Variants in TAOK1 observed in about 807,000 individuals in gnomAD.
The protein encoded by TAOK1 is serine/threonine-protein kinase TAO1.
Under a neutral mutation model 138.3 loss-of-function variants are expected in TAOK1, and 21 were observed. The ratio of observed to expected loss-of-function variants is 0.15; its 90% CI spans 0.11 to 0.22. The LOEUF (loss-of-function observed/expected upper bound fraction) is 0.22, where lower values mean the gene tolerates loss of function less well. TAOK1 is among the 10% of genes least tolerant of loss of function. The pLI is 1.00. For missense variants in TAOK1, 651 were observed against 1,227.7 expected, an observed-to-expected ratio of 0.53 and a Z score of 7.02; for synonymous variants, 361 against 398.4, an observed-to-expected ratio of 0.91 and a Z score of 1.12.
chr17:29,475,868 A>G (rs2030932239), intron 4 of TAOK1, 97 bp downstream of exon 4: 2 of 846,890 alleles, frequency 2.4e-6, no homozygotes, highest in Non-Finnish European at 3.9e-6. Flanking sequence ...AATGCATGCA[A>G]AAACACCTGA....
At chr17:29,498,261 CAGAAGAGAGAGATATATATTA>C (rs2031450790) in intron 11 of TAOK1, 36 bp from the exon 12 acceptor site, 1 of 1,581,796 alleles carries the variant, frequency 6.3e-7, no homozygotes, top group African/African-American at 1.3e-5. Context: ...GTCAAGAATT[CAGAAGAGAGAGATATATATTA>C]ATATTTGAAC....
chr17:29,495,408 G>T, intron 10 of TAOK1, 152 bp from the exon 11 acceptor site: 1 of 543,020 alleles, frequency 1.8e-6, no homozygotes, highest in Non-Finnish European at 3.0e-6. Context: ...GTATGTAAAT[G>T]ATAATTTTAT....
intron 3 of TAOK1, among the ~76,000 whole-genome samples, chr17:29,468,507 AAAGT>A (rs1598493980): frequency 6.6e-6 from 1 of 152,014 alleles, no homozygotes; most frequent in African/African-American, 2.4e-5. Context: ...CTAAAAAATT[AAAGT>A]AAAATAAGAT....
At chr17:29,450,624 G>A (rs1360080625) in intron 1 of TAOK1, among the ~76,000 whole-genome samples, 1 of 152,056 alleles carries the variant, frequency 6.6e-6, no homozygotes, top group Non-Finnish European at 1.5e-5. Flanking sequence ...TGATCCTTCC[G>A]CCTTAGCCGC....
At chr17:29,430,755 A>G (rs1017687715) in intron 1 of TAOK1, among the ~76,000 whole-genome samples, 1 of 152,114 alleles carries the variant, frequency 6.6e-6, no homozygotes, top group Non-Finnish European at 1.5e-5. Flanking sequence ...TCTTTATGGG[A>G]GGCAGAAGGA....
intron 17 of TAOK1, among the ~76,000 whole-genome samples, chr17:29,524,250 A>C (rs934428744): frequency 1.1e-4 from 17 of 152,204 alleles, no homozygotes; most frequent in African/African-American, 3.9e-4. Context: ...TAGCTACAGA[A>C]TAGACAATCT....
chr17:29,449,947 T>A (rs762662595), intron 1 of TAOK1, among the ~76,000 whole-genome samples: 1 of 152,248 alleles, frequency 6.6e-6, no homozygotes, highest in Non-Finnish European at 1.5e-5. Context: ...TAGTGCTTAT[T>A]ACTCCAGAGT....
intron 2 of TAOK1, among the ~76,000 whole-genome samples, chr17:29,459,442 C>G (rs9896579): frequency 6.6e-6 from 1 of 151,686 alleles, no homozygotes; most frequent in Non-Finnish European, 1.5e-5. Flanking sequence ...CCCCCACGCC[C>G]GGCTGTTTGT....
At chr17:29,433,771 C>G (rs566699793) in intron 1 of TAOK1, among the ~76,000 whole-genome samples, 48 of 152,196 alleles carry the variant, frequency 3.2e-4, no homozygotes, top group African/African-American at 1.1e-3. Context: ...AGTGGGCAGG[C>G]TTGTTGTAGT....
intron 1 of TAOK1, among the ~76,000 whole-genome samples, chr17:29,412,531 G>A (rs1205346642): frequency 6.6e-6 from 1 of 151,962 alleles, no homozygotes; most frequent in Non-Finnish European, 1.5e-5. Flanking sequence ...TCATTTATCA[G>A]TGTCCCAGTT....
chr17:29,534,190 T>C lies in TAOK1; in HGVS notation c.2434T>C (p.Leu812=). The C allele has an allele frequency of 1.2e-6, 2 of 1,613,780 alleles. No individual in the cohort carries two copies. Among genetic ancestry groups the C allele is most frequent in the East Asian group, 2.2e-5 (1 of 44,846 alleles). Residue 812 remains leucine, a synonymous_variant, in exon 19 of 20, where the codon TTG becomes CTG. Coordinates refer to ENST00000261716, the MANE Select transcript of TAOK1 (RefSeq NM_020791.4). ...GCAGCTGCAGCAGGAACTGGAGCTGTTGAATGCGTATCAGAGCAAAATCAA... is the reference window on the plus strand; with the variant it reads ...GCAGCTGCAGCAGGAACTGGAGCTGCTGAATGCGTATCAGAGCAAAATCAA... The part of the protein sequence containing the change: ...KMQLQQELEL[L]NAYQSKIKMQ...
intron 13 of TAOK1, among the ~76,000 whole-genome samples, chr17:29,504,845 C>T (rs1472385544): frequency 1.3e-5 from 2 of 152,044 alleles, no homozygotes; most frequent in Non-Finnish European, 2.9e-5. Context: ...TCAGGTTATT[C>T]CTACTATTCT....
At position 29,507,922 on chromosome 17, in the gene TAOK1, G is replaced by A. The variant is rs759370062; in HGVS notation, c.1365G>A (p.Glu455=). 2.5e-6 allele frequency: 4 copies of A among 1,613,970 alleles called. No homozygotes were observed. Among genetic ancestry groups the A allele is most frequent in the Non-Finnish European group, 3.4e-6 (4 of 1,179,980 alleles). The change falls in exon 14 of 20, where the codon GAG becomes GAA. Residue 455 remains glutamate (E), a synonymous_variant. Transcript: ENST00000261716. ...TTACGAGGCAAATGCAAGAACATGA[G>A]CAGGACTCTGAGCTTAGAGAACAAA... ...SLVTRQMQEH[E]QDSELREQMS... is the part of the protein sequence containing the mutation.
At position 29,550,417 on chromosome 17, in the gene TAOK1, T is replaced by C. The variant is rs1384069472; in HGVS notation, c.*7395T>C. 1 of 152,208 alleles carries C rather than the reference T, an allele frequency of 6.6e-6. No homozygotes were observed. Among genetic ancestry groups the C allele is most frequent in the African/African-American group, 2.4e-5 (1 of 41,464 alleles). 9.4% of individuals were successfully genotyped at this position (152,208 alleles called of 1,614,324 possible). Reference sequence around the variant, plus strand: ...GTCTGCTAAAGTTTTTTAGCCCACTTAAAACTTAAGACAACCATTTAAAAT... The same window carrying C: ...GTCTGCTAAAGTTTTTTAGCCCACTCAAAACTTAAGACAACCATTTAAAAT... On this transcript the variant is annotated 3_prime_UTR_variant, in exon 20 of 20. Coordinates refer to ENST00000261716, the MANE Select transcript of TAOK1 (RefSeq NM_020791.4).
chr17:29,545,607 A>G lies in TAOK1; in HGVS notation c.*2585A>G, dbSNP rs566886056. The G allele has an allele frequency of 1.3e-5, 2 of 152,312 alleles. No individual in the cohort carries two copies. The highest frequency in any genetic ancestry group is 3.9e-4 in the East Asian group (2 of 5,194). The allele number at this position is 152,312 out of a possible 1,614,324, so 9.4% of individuals were successfully genotyped here. On this transcript the variant is annotated 3_prime_UTR_variant, in exon 20 of 20. Coordinates refer to ENST00000261716, the MANE Select transcript of TAOK1 (RefSeq NM_020791.4). ...TATCATTAAGTTAACTTTAAAGTATATACAGTTTGCAAAAAATGATTCAAA... is the reference window on the plus strand; with the variant it reads ...TATCATTAAGTTAACTTTAAAGTATGTACAGTTTGCAAAAAATGATTCAAA...
intron 11 of TAOK1, among the ~76,000 whole-genome samples, 155 bp from the exon 12 acceptor site, chr17:29,498,160 TAAA>T (rs2153028230): frequency 6.6e-6 from 1 of 152,340 alleles, no homozygotes; most frequent in African/African-American, 2.4e-5. Context: ...TAACAGTTGA[TAAA>T]CTTCCTGGTC....
chr17:29,467,290 T>C (rs939835889), intron 3 of TAOK1, 74 bp downstream of exon 3: 1 of 945,758 alleles, frequency 1.1e-6, no homozygotes, highest in Non-Finnish European at 1.5e-6. Flanking sequence ...CTTTTTTTTT[T>C]TGAGACTGAG....
Position 29,524,660 on chromosome 17 carries a change from G to A in TAOK1, c.2148+2141G>A, listed in dbSNP as rs373675847. Among the ~76,000 whole-genome samples the A allele has an allele frequency of 2.0e-5, 3 of 152,302 alleles. No individual in the cohort carries two copies. The East Asian group carries it at 5.8e-4, about 29-fold the overall frequency. On this transcript the variant is annotated intron_variant, in intron 17 of 19. Transcript: ENST00000261716. ...GTCAACTTGAACATTTTAACACCAA[G>A]TCATCACATTTCTATTTACTTAAGT...
intron 1 of TAOK1, among the ~76,000 whole-genome samples, chr17:29,420,771 G>T (rs915508694): frequency 6.6e-6 from 1 of 151,810 alleles, no homozygotes; most frequent in African/African-American, 2.4e-5. Context: ...TTTTAGTAGA[G>T]ACAGGGTTTC....
Sources: gnomAD v4.1 joint callset for allele counts (sites outside exome capture counted in the v4.1 genomes callset) on GRCh38, gnomAD v4.1.1 for gene constraint, MANE v1.5 for transcripts, NCBI Gene and HGNC (gene_info 2026-07-23, HGNC 2026-07-21) for gene names.